Variants in DENND2C observed in about 807,000 individuals in gnomAD.
The protein encoded by DENND2C is DENN domain containing 2C.
DENND2C carries 72 observed loss-of-function variants against 112.4 expected under a neutral mutation model. The ratio of observed to expected loss-of-function variants is 0.64; its 90% CI spans 0.53 to 0.78. The LOEUF (loss-of-function observed/expected upper bound fraction) is 0.78. DENND2C is among the 30% of genes least tolerant of loss of function. The pLI, the probability that DENND2C is intolerant of heterozygous loss-of-function variation, is 0.00. For synonymous variants in DENND2C, 329 were observed against 381.6 expected, an observed-to-expected ratio of 0.86 and a Z score of 1.61; for missense variants, 992 against 1,113.8, an observed-to-expected ratio of 0.89 and a Z score of 1.56.
chr1:114,618,412 G>C lies in DENND2C; in HGVS notation c.1298C>G (p.Thr433Ser). Residue 433 changes from threonine to serine, a missense_variant, in exon 8 of 21, where the codon ACT becomes AGT. Coordinates refer to ENST00000393274, the MANE Select transcript of DENND2C (RefSeq NM_001256404.2). Reference sequence around the variant, plus strand: ...TTTTGTCGGAGGTAATTCCTTTCCAGTGTAAGAATGTAACTTTACCTTCTT... The same window carrying C: ...TTTTGTCGGAGGTAATTCCTTTCCACTGTAAGAATGTAACTTTACCTTCTT... ...GKKKVKLHSY[T>S]GKELPPTKGE... 2 of 1,593,388 alleles carry C rather than the reference G, an allele frequency of 1.3e-6. No homozygotes were observed. The highest frequency in any genetic ancestry group is 1.7e-6 in the Non-Finnish European group (2 of 1,171,756).
intron 17 of DENND2C, among the ~76,000 whole-genome samples, chr1:114,595,154 C>T (rs1655307073): frequency 6.6e-6 from 1 of 152,222 alleles, no homozygotes; most frequent in African/African-American, 2.4e-5. Flanking sequence ...CTGTGTCTTA[C>T]TCATTTTTAC....
intron 3 of DENND2C, among the ~76,000 whole-genome samples, chr1:114,632,885 A>G (rs182577730): frequency 6.6e-6 from 1 of 152,310 alleles, no homozygotes; most frequent in Non-Finnish European, 1.5e-5. Flanking sequence ...TAAAAATTTT[A>G]AAGTTCTTCA....
chr1:114,625,792 C>A lies in DENND2C; in HGVS notation c.193G>T (p.Glu65Ter). The A allele has an allele frequency of 6.2e-7, 1 of 1,614,094 alleles. No homozygotes were observed. The highest frequency in any genetic ancestry group is 2.2e-5 in the East Asian group (1 of 44,868). ...ACATCCAAGTTTTTGCTCTTTCTCT[C>A]AGCTATAGGATTTTTCTTAAGACGG... ...EIRLKKNPIAERKSKNLDVTS... is the reference protein window; with the variant it reads ...EIRLKKNPIA The change falls in exon 4 of 21, where the codon GAG becomes TAG. Residue 65 changes from glutamate to a stop codon, truncating the protein, a stop_gained. Transcript: ENST00000393274. LOFTEE classifies it high-confidence loss of function.
chr1:114,587,154 A>C (rs922115859), intron 20 of DENND2C: 7 of 484,916 alleles, frequency 1.4e-5, no homozygotes, highest in Non-Finnish European at 2.6e-5. Flanking sequence ...AACCTGCCTC[A>C]GCCTCCCAAA....
chr1:114,600,469 G>A, intron 14 of DENND2C, 117 bp from the exon 15 acceptor site: 2 of 1,328,664 alleles, frequency 1.5e-6, no homozygotes, highest in Non-Finnish European at 2.1e-6. Flanking sequence ...TGCTACACGG[G>A]GTCTGTGAAG....
chr1:114,632,453 C>CA (rs1344977030), intron 3 of DENND2C, among the ~76,000 whole-genome samples: 4 of 151,864 alleles, frequency 2.6e-5, no homozygotes, highest in Admixed American at 2.6e-4. Context: ...AGCCAGAAAA[C>CA]AAGGAAAATT....
chr1:114,606,019 C>G (rs938744067), intron 10 of DENND2C, among the ~76,000 whole-genome samples: 1 of 152,098 alleles, frequency 6.6e-6, no homozygotes, highest in Admixed American at 6.6e-5. Flanking sequence ...AAAACAAGCC[C>G]TTAAGTCTAA....
chr1:114,623,374 C>T, intron 5 of DENND2C, 133 bp downstream of exon 5: 1 of 844,118 alleles, frequency 1.2e-6, no homozygotes, highest in Non-Finnish European at 1.8e-6. Flanking sequence ...ATTTATACAC[C>T]AAACGTTTCC....
At position 114,599,363 on chromosome 1, in the gene DENND2C, T is replaced by C. The variant is rs187642664; in HGVS notation, c.2194A>G (p.Met732Val). The C allele has an allele frequency of 6.2e-6, 10 of 1,614,068 alleles. No homozygotes were observed. The highest frequency in any genetic ancestry group is 5.0e-5 in the Admixed American group (3 of 60,014). ...HTYIPVLPAS[M>V]IDIVCSPTPF... ...GTAGGTGAGCACACGATGTCAATCATAGATGCTGGCAGGACTGGGATATAG... is the reference window on the plus strand; with the variant it reads ...GTAGGTGAGCACACGATGTCAATCACAGATGCTGGCAGGACTGGGATATAG... Residue 732 changes from methionine (M) to valine (V), a missense_variant, in exon 16 of 21, where the codon ATG (methionine) becomes GTG (valine). By Grantham distance (21) the Met-to-Val change is conservative. Around this residue, in one of 3 missense-constraint regions of DENND2C, gnomAD observed 516 missense variants for 623.6 expected, o/e 0.83. Transcript: ENST00000393274.
At chr1:114,587,628 C>A in intron 19 of DENND2C, 88 bp downstream of exon 19, 2 of 1,424,520 alleles carry the variant, frequency 1.4e-6, no homozygotes, top group South Asian at 2.7e-5. Flanking sequence ...AAGCCCTTGT[C>A]GCTTTACAAT....
Position 114,601,092 on chromosome 1 carries a change from G to T in DENND2C, c.1816-132C>A, listed in dbSNP as rs1013745810. 2.2e-5 allele frequency: 21 copies of T among 975,434 alleles called. No individual in the cohort carries two copies. In the African/African-American group the frequency reaches 2.5e-4, roughly 12 times the overall value. 60.4% of individuals were successfully genotyped at this position (975,434 alleles called of 1,614,324 possible). ...TAAAATTTAAGACAGATAAGCTTCT[G>T]CAATCAATAAAAGTTAAATAAGCAT... On this transcript the variant is annotated intron_variant, in intron 13 of 20. Coordinates refer to ENST00000393274, the MANE Select transcript of DENND2C (RefSeq NM_001256404.2).
intron 16 of DENND2C, 148 bp from the exon 17 acceptor site, chr1:114,596,021 A>G (rs1440964928): frequency 2.9e-6 from 2 of 690,892 alleles, no homozygotes; most frequent in African/African-American, 1.8e-5. Context: ...ATTGCAAGTA[A>G]AAGAATGATG....
intron 8 of DENND2C, among the ~76,000 whole-genome samples, chr1:114,613,001 T>C (rs1265814882): frequency 6.6e-6 from 1 of 152,178 alleles, no homozygotes. Context: ...AGCTCACTGC[T>C]AGGAACTTAT....
intron 2 of DENND2C, among the ~76,000 whole-genome samples, chr1:114,646,005 C>T (rs1361889288): frequency 6.6e-6 from 1 of 151,948 alleles, no homozygotes; most frequent in African/African-American, 2.4e-5. Context: ...TGGCTCACTG[C>T]AAGCTCTGCC....
At chr1:114,635,740 C>T (rs1656636972) in intron 3 of DENND2C, among the ~76,000 whole-genome samples, 1 of 152,208 alleles carries the variant, frequency 6.6e-6, no homozygotes, top group African/African-American at 2.4e-5. Context: ...GGCGCGATCA[C>T]TCACACCTGT....
At chr1:114,642,521 G>T (rs1182801318) in intron 3 of DENND2C, among the ~76,000 whole-genome samples, 2 of 152,184 alleles carry the variant, frequency 1.3e-5, no homozygotes, top group Admixed American at 6.5e-5. Context: ...TTCTAAGCTT[G>T]TTTTCTTATC....
At chr1:114,669,815 C>T (rs1025786114) in intron 1 of DENND2C, among the ~76,000 whole-genome samples, 168 bp downstream of exon 1, 2 of 152,064 alleles carry the variant, frequency 1.3e-5, no homozygotes, top group Non-Finnish European at 2.9e-5. Context: ...GGTGCCGAGA[C>T]AGCGGGGCGC....
At chr1:114,645,865 T>C (rs1656967846) in intron 2 of DENND2C, among the ~76,000 whole-genome samples, 1 of 152,204 alleles carries the variant, frequency 6.6e-6, no homozygotes, top group Admixed American at 6.5e-5. Flanking sequence ...TAAGTAATAA[T>C]TGATATATTA....
At chr1:114,628,716 C>T (rs1269349420) in intron 3 of DENND2C, among the ~76,000 whole-genome samples, 1 of 152,174 alleles carries the variant, frequency 6.6e-6, no homozygotes, top group Non-Finnish European at 1.5e-5. Flanking sequence ...ATAAGAGTTG[C>T]TCACTTCAGT....
Sources: allele counts gnomAD v4.1 joint callset (sites outside exome capture counted in the v4.1 genomes callset), GRCh38; gene constraint gnomAD v4.1.1; regional missense constraint gnomAD v4.1.1; transcripts MANE v1.5; gene names NCBI Gene and HGNC (gene_info 2026-07-23, HGNC 2026-07-21).